BMP7: variants seen among roughly 807,000 people sequenced by gnomAD.
The protein encoded by BMP7 is osteogenic protein 1.
Under a neutral mutation model 41.2 loss-of-function variants are expected in BMP7, and 12 were observed. That is an observed-to-expected ratio of 0.29 (90% CI 0.19 to 0.47). The LOEUF (loss-of-function observed/expected upper bound fraction) is 0.47. Among genes scored for constraint, BMP7 ranks in the 20% least tolerant of loss-of-function variants. The pLI, the probability that BMP7 is intolerant of heterozygous loss-of-function variation, is 0.99. For missense variants in BMP7, 467 were observed against 606.0 expected, an observed-to-expected ratio of 0.77 and a Z score of 2.41; for synonymous variants, 248 against 250.0, an observed-to-expected ratio of 0.99 and a Z score of 0.07.
rs1242461844 is a variant in BMP7 at position 57,259,336 on chromosome 20, G to A, written c.418+6369C>T. On this transcript the variant is annotated intron_variant, in intron 1 of 6. Coordinates refer to ENST00000395863, the MANE Select transcript of BMP7 (RefSeq NM_001719.3). The surrounding 1 kb of genome is among the most constrained non-coding windows in gnomAD (Gnocchi z 4.7). ...AGCCCTTTATAGAAAGCCGCGGTTG[G>A]CAGCCCCCGCTCCTGCATGGGAACA... Among the ~76,000 whole-genome samples the A allele has an allele frequency of 1.3e-5, 2 of 152,218 alleles. No individual in the cohort carries two copies. Among genetic ancestry groups the A allele is most frequent in the African/African-American group, 4.8e-5 (2 of 41,450 alleles).
chr20:57,216,533 G>C (rs557039728), intron 2 of BMP7, among the ~76,000 whole-genome samples: 8 of 149,918 alleles, frequency 5.3e-5, no homozygotes, highest in Non-Finnish European at 8.9e-5. Context: ...AGGGCGAGGG[G>C]GCTGTCTCCT....
rs534453534 is a variant in BMP7, at chr20:57,215,015, A to G, written c.612-12392T>C. ...AAAGAGAAATGGTAAATACTTTTTC[A>G]GATTATTCAGGTAGCTCCAGAAATG... is the stretch of plus-strand genomic sequence containing the variant. On this transcript the variant is annotated intron_variant, in intron 2 of 6. Coordinates refer to ENST00000395863, the MANE Select transcript of BMP7 (RefSeq NM_001719.3). This position sits in a 1 kb window ranked among gnomAD's most constrained non-coding sequence, Gnocchi z 4.2. The G allele has an allele frequency of 1.1e-4, 17 of 152,332 alleles. No individual in the cohort carries two copies. Among genetic ancestry groups the G allele is most frequent in the African/African-American group, 4.1e-4 (17 of 41,564 alleles). 9.4% of individuals were successfully genotyped at this position (152,332 alleles called of 1,614,324 possible). A position where few individuals can be genotyped will look rare whatever the true frequency, so the allele number is the denominator to read the frequency against.
rs1361249116 is a variant in BMP7, at chr20:57,169,020, T to G, written c.*1939A>C. ...GCTTTGTAACAACTATTTACAGGTT[T>G]AAATGTACAAATGATGCTAACCAGA... On this transcript the variant is annotated 3_prime_UTR_variant, in exon 7 of 7. Coordinates refer to ENST00000395863, the MANE Select transcript of BMP7 (RefSeq NM_001719.3). 1 of 152,088 alleles carries G rather than the reference T, an allele frequency of 6.6e-6. No individual in the cohort carries two copies. The highest frequency in any genetic ancestry group is 1.5e-5 in the Non-Finnish European group (1 of 68,028). 9.4% of individuals were successfully genotyped at this position (152,088 alleles called of 1,614,324 possible).
chr20:57,255,986 G>C (rs1010986020), intron 1 of BMP7, among the ~76,000 whole-genome samples: 1 of 152,090 alleles, frequency 6.6e-6, no homozygotes, highest in Non-Finnish European at 1.5e-5. Flanking sequence ...TAATTCTCTA[G>C]ATAGTGAACC....
At chr20:57,209,233 C>A in intron 2 of BMP7, among the ~76,000 whole-genome samples, 2 of 109,664 alleles carry the variant, frequency 1.8e-5, no homozygotes, top group Admixed American at 1.1e-4. Flanking sequence ...AAACAAATAC[C>A]TAGATTTATA....
At chr20:57,201,023 T>C (rs1171061154) in intron 3 of BMP7, among the ~76,000 whole-genome samples, 2 of 152,118 alleles carry the variant, frequency 1.3e-5, no homozygotes, top group Middle Eastern at 3.2e-3. Context: ...TACAGTTAGG[T>C]CCTGTTCTAA....
chr20:57,228,310 T>A lies in BMP7; in HGVS notation c.530A>T (p.Tyr177Phe), dbSNP rs1369327109. The A allele has an allele frequency of 1.2e-6, 2 of 1,613,972 alleles. No individual in the cohort carries two copies. The highest frequency in any genetic ancestry group is 2.7e-5 in the African/African-American group (2 of 74,886). The part of the protein sequence containing the change: ...EAVTAAEFRI[Y>F]KDYIRERFDN... ...GAAGCGTTCCCGGATGTAGTCCTTG[T>A]AGATCCGGAATTCGGCTGCCGTGAC... Residue 177 changes from tyrosine (Y) to phenylalanine (F), a missense_variant, in exon 2 of 7, where the codon TAC (tyrosine) becomes TTC (phenylalanine). Transcript: ENST00000395863. The surrounding 1 kb of genome is among the most constrained non-coding windows in gnomAD (Gnocchi z 4.5).
At chr20:57,243,227 A>C (rs1327981424) in intron 1 of BMP7, among the ~76,000 whole-genome samples, 1 of 151,702 alleles carries the variant, frequency 6.6e-6, no homozygotes, top group African/African-American at 2.4e-5. Flanking sequence ...GCTCACGCCC[A>C]TAATCCCAGC....
intron 3 of BMP7, among the ~76,000 whole-genome samples, chr20:57,190,377 CGTG>C (rs1568708798): frequency 1.4e-4 from 13 of 90,988 alleles, no homozygotes; most frequent in African/African-American, 3.9e-4. Context: ...GGCTGGAGAG[CGTG>C]AGTGAGGAGC....
rs374340107 is a variant in BMP7 at position 57,261,951 on chromosome 20, C to T, written c.418+3754G>A. On this transcript the variant is annotated intron_variant, in intron 1 of 6. Coordinates refer to ENST00000395863, the MANE Select transcript of BMP7 (RefSeq NM_001719.3). The surrounding 1 kb of genome is among the most constrained non-coding windows in gnomAD (Gnocchi z 4.1). ...GGCATAAAGCAAAAATCAAACTGCA[C>T]GGCCTTCTCCCTACTCTTCAGCTAC... Among the ~76,000 whole-genome samples, 22 of 152,208 alleles carry T rather than the reference C, an allele frequency of 1.4e-4. No homozygotes were observed. Among genetic ancestry groups the T allele is most frequent in the African/African-American group, 3.4e-4 (14 of 41,432 alleles).
intron 1 of BMP7, among the ~76,000 whole-genome samples, chr20:57,240,741 T>C (rs1052350521): frequency 1.3e-5 from 2 of 152,158 alleles, no homozygotes; most frequent in Non-Finnish European, 2.9e-5. Flanking sequence ...ATGAGGAAGA[T>C]GCAAAAGTGG....
Position 57,216,824 on chromosome 20 carries a change from T to C in BMP7, c.611+11405A>G, listed in dbSNP as rs184377122. Among the ~76,000 whole-genome samples the C allele has an allele frequency of 2.4e-4, 36 of 152,190 alleles. 1 individual carries two copies. The East Asian group carries it at 2.9e-3, about 12-fold the overall frequency. On this transcript the variant is annotated intron_variant, in intron 2 of 6. Coordinates refer to ENST00000395863, the MANE Select transcript of BMP7 (RefSeq NM_001719.3). ...AAGGTGGCAGTTGGTGAGGCTGACA[T>C]GGTGGGAGTCACCACCTGAGCAGCC...
chr20:57,203,055 G>A (rs1235300502), intron 2 of BMP7, among the ~76,000 whole-genome samples: 2 of 151,978 alleles, frequency 1.3e-5, no homozygotes, highest in South Asian at 2.1e-4. Flanking sequence ...CCCACAACCC[G>A]AAGCTGTGGG....
In BMP7 at chr20:57,228,117, G is replaced by T; in HGVS notation, c.611+112C>A. On this transcript the variant is annotated intron_variant, in intron 2 of 6. Coordinates refer to ENST00000395863, the MANE Select transcript of BMP7 (RefSeq NM_001719.3). This position sits in a 1 kb window ranked among gnomAD's most constrained non-coding sequence, Gnocchi z 4.5. ...TCTTTAGAAGGGATAATCTGGTACA[G>T]GGCCTGGCACGTGGTTGTGCCAATC... 8.4e-7 allele frequency: 1 copy of T among 1,191,290 alleles called. No individual in the cohort carries two copies. The highest frequency in any genetic ancestry group is 1.2e-6 in the Non-Finnish European group (1 of 800,008). 73.8% of individuals were successfully genotyped at this position (1,191,290 alleles called of 1,614,324 possible).
intron 1 of BMP7, among the ~76,000 whole-genome samples, chr20:57,251,073 C>T (rs2066110983): frequency 6.6e-6 from 1 of 152,234 alleles, no homozygotes; most frequent in Non-Finnish European, 1.5e-5. Flanking sequence ...GAGCTCAGGG[C>T]ACAGGCAGGT....
intron 3 of BMP7, among the ~76,000 whole-genome samples, chr20:57,185,800 A>T (rs1984195556): frequency 6.6e-6 from 1 of 152,214 alleles, no homozygotes; most frequent in South Asian, 2.1e-4. Context: ...ATGCTAGCTC[A>T]GGGCAGAGCT....
chr20:57,245,765 A>T (rs62205694), intron 1 of BMP7, among the ~76,000 whole-genome samples: 2 of 151,016 alleles, frequency 1.3e-5, no homozygotes, highest in Admixed American at 6.6e-5. Context: ...CAGCCTCCCG[A>T]GTATCTGCGA....
intron 2 of BMP7, among the ~76,000 whole-genome samples, chr20:57,220,411 CTT>C (rs1229048714): frequency 1.3e-5 from 2 of 152,196 alleles, no homozygotes; most frequent in Non-Finnish European, 2.9e-5. Flanking sequence ...TATTAATTCT[CTT>C]TGTCTCCTGC....
At chr20:57,208,204 A>G (rs1265060438) in intron 2 of BMP7, among the ~76,000 whole-genome samples, 2 of 152,240 alleles carry the variant, frequency 1.3e-5, no homozygotes, top group Non-Finnish European at 2.9e-5. Flanking sequence ...GATCAAGAAC[A>G]TGGAAGAAGG....
Sources: allele counts gnomAD v4.1 joint callset (sites outside exome capture counted in the v4.1 genomes callset), GRCh38; gene constraint gnomAD v4.1.1; non-coding constraint Gnocchi (gnomAD v3.1); transcripts MANE v1.5; gene names NCBI Gene and HGNC (gene_info 2026-07-23, HGNC 2026-07-21).